SNX24: variants seen among roughly 807,000 people sequenced by gnomAD.
The protein encoded by SNX24 is sorting nexin-24.
SNX24 carries 22 observed loss-of-function variants against 28.7 expected under a neutral mutation model. That is an observed-to-expected ratio of 0.77 (90% CI 0.55 to 1.10). The LOEUF (loss-of-function observed/expected upper bound fraction) is 1.10, where lower values mean the gene tolerates loss of function less well. SNX24 is among the 50% of genes least tolerant of loss of function. The pLI, the probability that SNX24 is intolerant of heterozygous loss-of-function variation, is 0.00. For synonymous variants in SNX24, 69 were observed against 71.5 expected, an observed-to-expected ratio of 0.96 and a Z score of 0.18; for missense variants, 221 against 201.1, an observed-to-expected ratio of 1.10 and a Z score of -0.60.
chr5:122,942,876 G>C (rs1350097858), intron 2 of SNX24, among the ~76,000 whole-genome samples: 1 of 152,168 alleles, frequency 6.6e-6, no homozygotes, highest in Admixed American at 6.5e-5. Flanking sequence ...CAGCAGCTAT[G>C]ATCATACGCT....
At chr5:122,888,208 T>C (rs1756800220) in intron 1 of SNX24, among the ~76,000 whole-genome samples, 1 of 152,248 alleles carries the variant, frequency 6.6e-6, no homozygotes, top group South Asian at 2.1e-4. Context: ...CTATGGTTTA[T>C]AATTTTAATC....
intron 1 of SNX24, among the ~76,000 whole-genome samples, chr5:122,853,190 G>A (rs980028835): frequency 1.6e-5 from 2 of 122,486 alleles, no homozygotes; most frequent in Non-Finnish European, 3.2e-5. Context: ...GCAGTGGCAC[G>A]ATCTCGGCTC....
At chr5:122,864,383 AC>A (rs925912364) in intron 1 of SNX24, among the ~76,000 whole-genome samples, 2 of 152,142 alleles carry the variant, frequency 1.3e-5, no homozygotes, top group African/African-American at 4.8e-5. Context: ...AAGAATTGTA[AC>A]CGCCCAATGG....
Position 122,891,157 on chromosome 5 carries a change from G to T in SNX24, c.60+45464G>T. The T allele has an allele frequency of 2.1e-6, 3 of 1,418,372 alleles. No homozygotes were observed. The South Asian group carries it at 4.9e-5, about 23-fold the overall frequency. 87.9% of individuals were successfully genotyped at this position (1,418,372 alleles called of 1,614,324 possible). On this transcript the variant is annotated intron_variant, in intron 1 of 6. Coordinates refer to ENST00000261369, the MANE Select transcript of SNX24 (RefSeq NM_014035.4). The stretch of plus-strand genomic sequence containing the variant: ...TTGACTGTAGAAAACTTTACCTAGT[G>T]TTTTTTTGTTTTTTGTTTTTTTTCC...
chr5:122,929,961 C>T (rs1343086691), intron 1 of SNX24, among the ~76,000 whole-genome samples: 1 of 151,932 alleles, frequency 6.6e-6, no homozygotes, highest in Non-Finnish European at 1.5e-5. Context: ...CTGAAAATAA[C>T]ATTTTCCCTT....
chr5:122,991,651 G>A (rs1165448387), intron 3 of SNX24, among the ~76,000 whole-genome samples: 1 of 152,034 alleles, frequency 6.6e-6, no homozygotes, highest in East Asian at 1.9e-4. Context: ...AGTAGAGATG[G>A]GGCTTCTCCA....
chr5:122,857,381 T>C (rs749113777), intron 1 of SNX24, among the ~76,000 whole-genome samples: 2 of 152,004 alleles, frequency 1.3e-5, no homozygotes, highest in Non-Finnish European at 2.9e-5. Flanking sequence ...CTACCACTTA[T>C]CCCTTCATCA....
intron 1 of SNX24, among the ~76,000 whole-genome samples, chr5:122,913,375 C>T (rs246298): frequency 8.7e-5 from 13 of 149,320 alleles, no homozygotes; most frequent in African/African-American, 2.2e-4. Flanking sequence ...CCGGACGGGG[C>T]GGCTGGCTGG....
chr5:122,882,085 G>C (rs1022900841), intron 1 of SNX24, among the ~76,000 whole-genome samples: 1 of 151,802 alleles, frequency 6.6e-6, no homozygotes, highest in African/African-American at 2.4e-5. Flanking sequence ...GGAGTAGCTA[G>C]GAATATAGGT....
chr5:122,908,221 C>T (rs550919071), intron 1 of SNX24, among the ~76,000 whole-genome samples: 62 of 152,340 alleles, frequency 4.1e-4, no homozygotes, highest in Admixed American at 9.1e-4. Flanking sequence ...TCATCTGTTC[C>T]GTCAACTAGT....
intron 1 of SNX24, among the ~76,000 whole-genome samples, chr5:122,912,717 T>C (rs541092062): frequency 2.0e-5 from 3 of 152,130 alleles, no homozygotes; most frequent in African/African-American, 7.2e-5. Context: ...TCTGCATCTA[T>C]TGAGATAATC....
At chr5:122,920,457 A>G (rs762704261) in intron 1 of SNX24, among the ~76,000 whole-genome samples, 15 of 152,244 alleles carry the variant, frequency 9.9e-5, no homozygotes, top group Non-Finnish European at 1.9e-4. Context: ...GCATGGTTCG[A>G]TATGAATGAG....
intron 1 of SNX24, among the ~76,000 whole-genome samples, chr5:122,865,824 A>C (rs1755694159): frequency 6.6e-6 from 1 of 152,218 alleles, no homozygotes; most frequent in Non-Finnish European, 1.5e-5. Flanking sequence ...CAATTTCATA[A>C]TTCTACCTCA....
intron 1 of SNX24, among the ~76,000 whole-genome samples, chr5:122,876,265 G>C (rs1246658571): frequency 6.6e-6 from 1 of 152,130 alleles, no homozygotes; most frequent in Non-Finnish European, 1.5e-5. Context: ...GATTTGGAAG[G>C]GTTTTTAAAA....
At chr5:123,022,471 G>GTTT (rs35906519) in intron 5 of SNX24, 19 of 142,930 alleles carry the variant, frequency 1.3e-4, no homozygotes, top group South Asian at 2.3e-4. Flanking sequence ...TTTCCCATTA[G>GTTT]TTTTTTTTTT....
downstream of SNX24, among the ~76,000 whole-genome samples, chr5:123,011,960 G>C (rs1002899719): frequency 5.3e-5 from 8 of 152,266 alleles, no homozygotes; most frequent in East Asian, 1.5e-3. Flanking sequence ...AGAGGGACCT[G>C]CCAGGAGGTA....
chr5:122,953,731 T>C (rs1302846672), intron 3 of SNX24, among the ~76,000 whole-genome samples: 1 of 152,212 alleles, frequency 6.6e-6, no homozygotes, highest in African/African-American at 2.4e-5. Context: ...AATTTATCTT[T>C]CTGAGAAAGG....
rs961057050 is a variant in SNX24 at position 123,007,818 on chromosome 5, A to G, written c.*69A>G. On this transcript the variant is annotated 3_prime_UTR_variant, in exon 7 of 7. Transcript: ENST00000261369. ...ACAGTCAAGGAAATCAATACCTACC[A>G]ATTTAACCTAAACGCTATGATATAT... is the stretch of plus-strand genomic sequence containing the variant. 5.1e-6 allele frequency: 8 copies of G among 1,570,108 alleles called. No homozygotes were observed. Among genetic ancestry groups the G allele is most frequent in the African/African-American group, 4.2e-5 (3 of 72,184 alleles).
intron 1 of SNX24, among the ~76,000 whole-genome samples, chr5:122,930,800 C>CT (rs1758920305): frequency 6.6e-6 from 1 of 152,060 alleles, no homozygotes; most frequent in Admixed American, 6.5e-5. Context: ...AATACACACA[C>CT]ACATACATTT....
Sources: gnomAD v4.1 joint callset for allele counts (sites outside exome capture counted in the v4.1 genomes callset) on GRCh38, gnomAD v4.1.1 for gene constraint, MANE v1.5 for transcripts, NCBI Gene and HGNC (gene_info 2026-07-23, HGNC 2026-07-21) for gene names.